Variants in CCSER1 observed in about 807,000 individuals in gnomAD.
The protein encoded by CCSER1 is serine-rich coiled-coil domain-containing protein 1.
A neutral mutation model predicts 82.0 loss-of-function variants in CCSER1; 41 were observed. The ratio of observed to expected loss-of-function variants is 0.50; its 90% CI spans 0.39 to 0.65. CCSER1 has a LOEUF of 0.65. Among genes scored for constraint, CCSER1 ranks in the 30% least tolerant of loss-of-function variants. The probability of loss-of-function intolerance (pLI) is 0.00; values close to 1 mark genes in which losing one functional copy is unlikely to be tolerated. For missense variants in CCSER1, 1,119 were observed against 1,064.2 expected (o/e 1.05, Z -0.72); for synonymous variants, 414 against 383.9 (o/e 1.08, Z -0.92).
chr4:91,015,193 T>C (rs574938635), intron 9 of CCSER1, among the ~76,000 whole-genome samples: 1 of 151,952 alleles, frequency 6.6e-6, no homozygotes, highest in East Asian at 1.9e-4. Context: ...ATTAAAAACA[T>C]GTGGTTATCT....
intron 10 of CCSER1, among the ~76,000 whole-genome samples, chr4:91,318,711 T>C (rs998297207): frequency 3.3e-5 from 5 of 152,044 alleles, no homozygotes; most frequent in Admixed American, 6.6e-5. Flanking sequence ...CTTCTCTATG[T>C]CATAACTTTT....
chr4:90,297,440 C>G (rs1443238205), intron 1 of CCSER1, among the ~76,000 whole-genome samples: 1 of 151,976 alleles, frequency 6.6e-6, no homozygotes, highest in East Asian at 1.9e-4. Context: ...CATCTGCAAA[C>G]AGGGACAGTT....
chr4:90,782,036 A>G, intron 7 of CCSER1: 1 of 774,322 alleles, frequency 1.3e-6, no homozygotes, highest in Non-Finnish European at 1.6e-6. Flanking sequence ...GTACTGTGAA[A>G]GGCAGTAAAA....
intron 9 of CCSER1, among the ~76,000 whole-genome samples, chr4:90,971,938 C>G (rs965023788): frequency 6.6e-6 from 1 of 151,792 alleles, no homozygotes; most frequent in African/African-American, 2.4e-5. Context: ...TGATGAAATT[C>G]AACACCTTCT....
At position 90,985,750 on chromosome 4, in the gene CCSER1, C is replaced by T. The variant is rs149887859; in HGVS notation, c.2172+62303C>T. Among the ~76,000 whole-genome samples the T allele has an allele frequency of 2.1e-3, 316 of 151,646 alleles. 3 individuals are homozygous for T. The highest frequency in any genetic ancestry group is 7.4e-3 in the African/African-American group (307 of 41,438). On this transcript the variant is annotated intron_variant, in intron 9 of 10. Transcript: ENST00000509176. ...AAATTTTAATTCGCTGGCTAATTTT[C>T]TCCCTGCAACTAATGACCGCCCACT...
chr4:90,435,280 A>T (rs1272617849), intron 4 of CCSER1, among the ~76,000 whole-genome samples: 1 of 147,454 alleles, frequency 6.8e-6, no homozygotes, highest in Non-Finnish European at 1.5e-5. Flanking sequence ...TAATAGCTTA[A>T]ATAAAGATGT....
At chr4:90,535,297 C>T (rs1230485452) in intron 5 of CCSER1, among the ~76,000 whole-genome samples, 1 of 152,012 alleles carries the variant, frequency 6.6e-6, no homozygotes, top group Non-Finnish European at 1.5e-5. Flanking sequence ...CATTAGACAT[C>T]ATTTGGGCTG....
chr4:90,445,063 A>G (rs1760457149), intron 4 of CCSER1, among the ~76,000 whole-genome samples: 1 of 152,038 alleles, frequency 6.6e-6, no homozygotes, highest in Non-Finnish European at 1.5e-5. Context: ...CAGATTAGTC[A>G]TTCATGTAAC....
intron 9 of CCSER1, among the ~76,000 whole-genome samples, chr4:90,941,971 C>G (rs1319456231): frequency 6.6e-6 from 1 of 151,230 alleles, no homozygotes; most frequent in East Asian, 1.9e-4. Flanking sequence ...TTTTTTGAGA[C>G]AAGTTCTGGC....
chr4:91,332,504 C>T (rs1747025673), intron 10 of CCSER1, among the ~76,000 whole-genome samples: 1 of 151,338 alleles, frequency 6.6e-6, no homozygotes, highest in Non-Finnish European at 1.5e-5. Flanking sequence ...TATCTAGGTA[C>T]CAGAGTTTCT....
intron 7 of CCSER1, among the ~76,000 whole-genome samples, chr4:90,806,630 T>C (rs944714232): frequency 7.2e-5 from 11 of 152,246 alleles, no homozygotes; most frequent in African/African-American, 2.6e-4. Context: ...GCTCTCCAGA[T>C]GAAGTTCAAG....
At chr4:90,188,690 G>A (rs1397139386) in intron 1 of CCSER1, among the ~76,000 whole-genome samples, 2 of 151,844 alleles carry the variant, frequency 1.3e-5, no homozygotes, top group Admixed American at 6.6e-5. Context: ...GACTTAGCAG[G>A]CGCATCTAGA....
chr4:90,303,290 G>T (rs1733531801), intron 1 of CCSER1, among the ~76,000 whole-genome samples: 1 of 152,050 alleles, frequency 6.6e-6, no homozygotes, highest in South Asian at 2.1e-4. Flanking sequence ...TACAGAATTG[G>T]AAAAAACTAC....
At position 90,642,954 on chromosome 4, in the gene CCSER1, TA is replaced by T. The variant is rs1208492281; in HGVS notation, c.1932+14723del. Among the ~76,000 whole-genome samples, 4 of 151,934 alleles carry T rather than the reference TA, an allele frequency of 2.6e-5. No individual in the cohort carries two copies. The East Asian group carries it at 7.7e-4, about 29-fold the overall frequency. On this transcript the variant is annotated intron_variant, in intron 6 of 10. Coordinates refer to ENST00000509176, the MANE Select transcript of CCSER1 (RefSeq NM_001145065.2). The stretch of plus-strand genomic sequence containing the variant: ...TATAGAGGACTAGCTATTGATAAAA[TA>T]GAAATGAGTCAATTTATATTTAAGA...
At chr4:90,972,750 G>T (rs1402738496) in intron 9 of CCSER1, among the ~76,000 whole-genome samples, 1 of 151,586 alleles carries the variant, frequency 6.6e-6, no homozygotes, top group Non-Finnish European at 1.5e-5. Flanking sequence ...CACAATTCCT[G>T]ATCTCAAAAT....
Position 90,723,910 on chromosome 4 carries a change from G to A in CCSER1, c.1933-4G>A. 6.6e-7 allele frequency: 1 copy of A among 1,510,612 alleles called. No homozygotes were observed. Among genetic ancestry groups the A allele is most frequent in the Non-Finnish European group, 8.9e-7 (1 of 1,118,090 alleles). 93.6% of individuals were successfully genotyped at this position (1,510,612 alleles called of 1,614,324 possible). On this transcript the variant is annotated splice_region_variant and splice_polypyrimidine_tract_variant and intron_variant, in intron 6 of 10. Transcript: ENST00000509176. ...AATTAAATTCAATTTCACTGTCCTT[G>A]CAGAGTGCAGACATGAGTCCAGCAA...
At position 91,570,406 on chromosome 4, in the gene CCSER1, G is replaced by A. The variant is rs182858161; in HGVS notation, c.2218-28166G>A. 1.8e-3 allele frequency among the ~76,000 whole-genome samples: 271 copies of A among 152,310 alleles called. 4 individuals carry two copies. The highest frequency in any genetic ancestry group is 6.3e-3 in the African/African-American group (260 of 41,588). ...TTCACTTCTGCACTGCCCTAGCAGA[G>A]GTTCTCCATGAAGGCTCCTCCCCTG... On this transcript the variant is annotated intron_variant, in intron 10 of 10. Transcript: ENST00000509176.
intron 10 of CCSER1, among the ~76,000 whole-genome samples, chr4:91,421,487 G>A (rs1753680672): frequency 6.6e-6 from 1 of 152,254 alleles, no homozygotes; most frequent in African/African-American, 2.4e-5. Flanking sequence ...GGAAAAGATG[G>A]CTAATTTGTC....
intron 1 of CCSER1, among the ~76,000 whole-genome samples, chr4:90,185,581 G>A (rs1734470562): frequency 6.6e-6 from 1 of 152,040 alleles, no homozygotes; most frequent in Non-Finnish European, 1.5e-5. Context: ...TAAGGAGGAA[G>A]TGCTGACATA....
Sources: gnomAD v4.1 joint callset for allele counts (sites outside exome capture counted in the v4.1 genomes callset) on GRCh38, gnomAD v4.1.1 for gene constraint, MANE v1.5 for transcripts, NCBI Gene and HGNC (gene_info 2026-07-23, HGNC 2026-07-21) for gene names.